The following DNPEP variants were observed in gnomAD, a reference collection of about 807,000 sequenced individuals.
DNPEP encodes aspartyl aminopeptidase.
DNPEP carries 46 observed loss-of-function variants against 59.1 expected under a neutral mutation model. That is an observed-to-expected ratio of 0.78 (90% CI 0.61 to 0.99). DNPEP has a LOEUF of 0.99. Among genes scored for constraint, DNPEP ranks in the 50% least tolerant of loss-of-function variants. The pLI is 0.00. For missense variants in DNPEP, 617 were observed against 649.9 expected (o/e 0.95, Z 0.55); for synonymous variants, 229 against 242.2 (o/e 0.95, Z 0.50).
intron 1 of DNPEP, chr2:219,387,372 C>T: frequency 6.9e-7 from 1 of 1,441,940 alleles, no homozygotes; most frequent in East Asian, 2.5e-5. Flanking sequence ...TGAGCCAGGC[C>T]CGCCCCTTAA....
chr2:219,382,154 G>A lies in DNPEP; in HGVS notation c.937-15C>T, dbSNP rs1323807606. 1 of 1,603,886 alleles carries A rather than the reference G, an allele frequency of 6.2e-7. No homozygotes were observed. The highest frequency in any genetic ancestry group is 1.3e-5 in the African/African-American group (1 of 74,894). On this transcript the variant is annotated splice_polypyrimidine_tract_variant and intron_variant, in intron 10 of 14. Transcript: ENST00000273075. ...TCAGACCCCACCTGGCGACAGTAGA[G>A]TCCTGACTCTGGGAATCTGGGCTTA...
chr2:219,398,912 A>G (rs527900855), intron 1 of DNPEP, among the ~76,000 whole-genome samples: 2 of 152,364 alleles, frequency 1.3e-5, no homozygotes, highest in East Asian at 3.9e-4. Context: ...CTGGGAGCCA[A>G]GATGGGGCAT....
rs758671273 is a variant in DNPEP at position 219,374,265 on chromosome 2, A to G, written c.*27T>C. 31 of 1,607,394 alleles carry G rather than the reference A, an allele frequency of 1.9e-5. No homozygotes were observed. The African/African-American group carries it at 3.7e-4, about 19-fold the overall frequency. On this transcript the variant is annotated 3_prime_UTR_variant, in exon 15 of 15. Coordinates refer to ENST00000273075, the MANE Select transcript of DNPEP (RefSeq NM_012100.4). ...AACTTCCCCTCTCAGGTGCAAAGGG[A>G]TGGCAGAGAAGTCTTTCCAAGAGGG...
At position 219,375,057 on chromosome 2, in the gene DNPEP, G is replaced by GT. The variant is rs148079933; in HGVS notation, c.1240-36dup. ...GCAGGAGACCCATGAGCAACATGCA[G>GT]TGTGTGCTTATCAGAGCCAAGGAGG... is the stretch of plus-strand genomic sequence containing the variant. On this transcript the variant is annotated intron_variant, in intron 13 of 14. Transcript: ENST00000273075. 1.6e-3 allele frequency: 2,617 copies of GT among 1,610,162 alleles called. 41 individuals are homozygous for GT. The African/African-American group carries it at 0.031, about 19-fold the overall frequency.
chr2:219,381,660 A>T, intron 11 of DNPEP, 76 bp from the exon 12 acceptor site: 1 of 1,468,166 alleles, frequency 6.8e-7, no homozygotes, highest in Non-Finnish European at 9.5e-7. Context: ...CCCATGGCAG[A>T]CATCACTAAT....
intron 1 of DNPEP, chr2:219,399,875 G>A: frequency 1.3e-6 from 2 of 1,550,416 alleles, no homozygotes; most frequent in African/African-American, 1.4e-5. Flanking sequence ...CCTTGTGGTA[G>A]CCATTGAGCC....
At chr2:219,376,384 T>A (rs1953371660) in intron 13 of DNPEP, among the ~76,000 whole-genome samples, 1 of 150,678 alleles carries the variant, frequency 6.6e-6, no homozygotes, top group Non-Finnish European at 1.5e-5. Flanking sequence ...GCTACTCAGG[T>A]GGCTGAGGTA....
rs1251600847 is a variant in DNPEP at position 219,374,089 on chromosome 2, G to A, written c.*203C>T. The A allele has an allele frequency of 1.2e-5, 7 of 574,226 alleles. 1 individual carries two copies. The Admixed American group carries it at 2.1e-4, about 17-fold the overall frequency. 35.6% of individuals were successfully genotyped at this position (574,226 alleles called of 1,614,324 possible). ...CCAGATTTAAAACCATCAGCTCCCA[G>A]GAGTGTGGCCTCCTCCACCTGCTCC... is the stretch of plus-strand genomic sequence containing the variant. On this transcript the variant is annotated 3_prime_UTR_variant, in exon 15 of 15. Coordinates refer to ENST00000273075, the MANE Select transcript of DNPEP (RefSeq NM_012100.4).
At chr2:219,394,729 C>T (rs1176284073) in intron 1 of DNPEP, among the ~76,000 whole-genome samples, 1 of 152,212 alleles carries the variant, frequency 6.6e-6, no homozygotes, top group African/African-American at 2.4e-5. Flanking sequence ...GATATCTCTT[C>T]TGAACTATAT....
chr2:219,385,940 AG>A lies in DNPEP; in HGVS notation c.590+27del, dbSNP rs533999406. On this transcript the variant is annotated intron_variant, in intron 6 of 14. Transcript: ENST00000273075. The stretch of plus-strand genomic sequence containing the variant: ...CCTGGTACCATTCTCCATCCCTCCC[AG>A]CCACCGCAGCCCTGCCCCAGTCTCA... 1.3e-4 allele frequency: 210 copies of A among 1,612,428 alleles called. 1 individual carries two copies. The African/African-American group carries it at 2.5e-3, about 19-fold the overall frequency.
intron 1 of DNPEP, 64 bp from the exon 2 acceptor site, chr2:219,387,227 C>T: frequency 2.6e-6 from 4 of 1,533,762 alleles, no homozygotes; most frequent in Non-Finnish European, 3.5e-6. Context: ...ACCCAGGTTC[C>T]GAGGATTCTC....
intron 1 of DNPEP, among the ~76,000 whole-genome samples, chr2:219,397,415 G>T (rs1324195366): frequency 6.6e-6 from 1 of 152,070 alleles, no homozygotes; most frequent in East Asian, 1.9e-4. Context: ...GCCCAGGCTG[G>T]AGTACAGTGG....
intron 8 of DNPEP, 70 bp from the exon 9 acceptor site, chr2:219,384,513 G>GAGACCCTTGGGA: frequency 1.5e-6 from 2 of 1,364,016 alleles, no homozygotes; most frequent in South Asian, 1.3e-5. Context: ...TGCTCCCAAG[G>GAGACCCTTGGGA]GTCTCCTTGG....
At chr2:219,387,018 G>T in intron 2 of DNPEP, 38 bp from the exon 3 acceptor site, 2 of 1,613,314 alleles carry the variant, frequency 1.2e-6, no homozygotes, top group Non-Finnish European at 8.5e-7. Flanking sequence ...ATGGAAGCTG[G>T]TGAAGGGCGC....
At chr2:219,376,296 T>C (rs1953368598) in intron 13 of DNPEP, among the ~76,000 whole-genome samples, 1 of 152,010 alleles carries the variant, frequency 6.6e-6, no homozygotes, top group South Asian at 2.1e-4. Flanking sequence ...AAGACCAGCC[T>C]GGCCAACATG....
At chr2:219,386,151 G>C in intron 5 of DNPEP, 53 bp from the exon 6 acceptor site, 1 of 1,599,574 alleles carries the variant, frequency 6.3e-7, no homozygotes, top group Non-Finnish European at 8.5e-7. Flanking sequence ...CCAGTGGTCA[G>C]TCTTTACTTC....
At chr2:219,399,855 G>T (rs979131960) in intron 1 of DNPEP, 4 of 1,549,610 alleles carry the variant, frequency 2.6e-6, no homozygotes, top group Non-Finnish European at 2.6e-6. Flanking sequence ...AACTAGACAG[G>T]CCCCGGTTAC....
intron 11 of DNPEP, 194 bp from the exon 12 acceptor site, chr2:219,381,778 T>C (rs1953613275): frequency 1.2e-6 from 1 of 846,630 alleles, no homozygotes. Context: ...TAGACAAAGG[T>C]GTATTCCACA....
In DNPEP at chr2:219,387,909, C is replaced by G; in HGVS notation, c.-115G>C. ...GCCGCACTCGTAGGCCTTCATCACG[C>G]TTCCCCGGCCGCGCCGCCCCGCCCC... On this transcript the variant is annotated 5_prime_UTR_variant, in exon 1 of 15. Transcript: ENST00000273075. 7.2e-7 allele frequency: 1 copy of G among 1,382,332 alleles called. No homozygotes were observed. 85.6% of individuals were successfully genotyped at this position (1,382,332 alleles called of 1,614,324 possible).
Sources: gnomAD v4.1 joint callset for allele counts (sites outside exome capture counted in the v4.1 genomes callset) on GRCh38, gnomAD v4.1.1 for gene constraint, MANE v1.5 for transcripts, NCBI Gene and HGNC (gene_info 2026-07-23, HGNC 2026-07-21) for gene names.